DENND1A: variants seen among roughly 807,000 people sequenced by gnomAD.
The protein encoded by DENND1A is DENN domain-containing protein 1A.
A neutral mutation model predicts 113.7 loss-of-function variants in DENND1A; 51 were observed. That is an observed-to-expected ratio of 0.45 (90% CI 0.36 to 0.57). DENND1A has a LOEUF of 0.57. Among genes scored for constraint, DENND1A ranks in the 20% least tolerant of loss-of-function variants. The pLI, the probability that DENND1A is intolerant of heterozygous loss-of-function variation, is 0.00. For missense variants in DENND1A, 1,258 were observed against 1,395.9 expected (o/e 0.90, Z 1.57); for synonymous variants, 565 against 570.8 (o/e 0.99, Z 0.14).
chr9:123,454,311 A>G (rs1211330193), intron 16 of DENND1A, among the ~76,000 whole-genome samples: 1 of 152,206 alleles, frequency 6.6e-6, no homozygotes, highest in East Asian at 1.9e-4. Context: ...CTGACACATC[A>G]AGACACCTCA....
chr9:123,826,612 A>G (rs1224387565), intron 2 of DENND1A, among the ~76,000 whole-genome samples: 1 of 152,020 alleles, frequency 6.6e-6, no homozygotes, highest in Non-Finnish European at 1.5e-5. Flanking sequence ...TGAGGTTCTC[A>G]GTATTAGCTC....
intron 8 of DENND1A, among the ~76,000 whole-genome samples, chr9:123,654,653 C>T (rs142017773): frequency 7.2e-5 from 11 of 152,338 alleles, no homozygotes; most frequent in East Asian, 3.9e-4. Context: ...GTTAAAAATA[C>T]GTAACATTTA....
chr9:123,852,703 G>T (rs1265076080), intron 2 of DENND1A, among the ~76,000 whole-genome samples: 2 of 152,000 alleles, frequency 1.3e-5, no homozygotes, highest in East Asian at 3.9e-4. Context: ...AAATAAGAAT[G>T]TTCACCTTAT....
intron 11 of DENND1A, among the ~76,000 whole-genome samples, chr9:123,603,241 A>G (rs2060008518): frequency 1.3e-5 from 2 of 152,240 alleles, no homozygotes; most frequent in Admixed American, 1.3e-4. Context: ...AATAGTGCCA[A>G]CTCAATTGAC....
chr9:123,458,845 C>T (rs1418990111), intron 13 of DENND1A, among the ~76,000 whole-genome samples: 2 of 152,136 alleles, frequency 1.3e-5, no homozygotes, highest in Non-Finnish European at 2.9e-5. Flanking sequence ...TCTGTAATCC[C>T]AGTTACTTAG....
chr9:123,700,658 T>C (rs1244368621), intron 5 of DENND1A, among the ~76,000 whole-genome samples: 1 of 152,238 alleles, frequency 6.6e-6, no homozygotes, highest in Non-Finnish European at 1.5e-5. Flanking sequence ...ACCAACATTA[T>C]GGAGGGTGAT....
chr9:123,541,765 G>A (rs919545382), intron 13 of DENND1A, among the ~76,000 whole-genome samples: 6 of 152,224 alleles, frequency 3.9e-5, no homozygotes, highest in Admixed American at 3.9e-4. Context: ...CAGGAAAGAT[G>A]CACAGAGGAC....
chr9:123,888,074 T>C (rs571851079), intron 1 of DENND1A, among the ~76,000 whole-genome samples: 1 of 152,308 alleles, frequency 6.6e-6, no homozygotes, highest in South Asian at 2.1e-4. Context: ...TCCCAGGCCT[T>C]GGCTTCTAAA....
intron 11 of DENND1A, among the ~76,000 whole-genome samples, chr9:123,607,126 G>A (rs963464363): frequency 6.6e-6 from 1 of 152,136 alleles, no homozygotes; most frequent in Non-Finnish European, 1.5e-5. Flanking sequence ...CAAGTGACCA[G>A]CTGGAGGGCA....
chr9:123,856,531 G>A (rs1243668905), intron 2 of DENND1A, among the ~76,000 whole-genome samples: 2 of 152,162 alleles, frequency 1.3e-5, no homozygotes, highest in Non-Finnish European at 2.9e-5. Flanking sequence ...CTGGTGTGAG[G>A]TGTCAGAGCA....
At chr9:123,592,777 C>G (rs1387715444) in intron 11 of DENND1A, among the ~76,000 whole-genome samples, 1 of 152,158 alleles carries the variant, frequency 6.6e-6, no homozygotes, top group East Asian at 1.9e-4. Context: ...GCAGCTGGCA[C>G]TCCAGGTGCA....
At chr9:123,844,555 GA>G (rs1298929440) in intron 2 of DENND1A, among the ~76,000 whole-genome samples, 2 of 151,874 alleles carry the variant, frequency 1.3e-5, no homozygotes, top group African/African-American at 2.4e-5. Flanking sequence ...ACATTATGGG[GA>G]AAAAAACCCT....
intron 9 of DENND1A, among the ~76,000 whole-genome samples, chr9:123,634,636 T>C (rs1421045324): frequency 1.3e-5 from 2 of 152,234 alleles, no homozygotes; most frequent in Admixed American, 6.5e-5. Context: ...TGTAAATATA[T>C]AATTGAAGTG....
At chr9:123,877,754 G>A (rs527830115) in intron 2 of DENND1A, among the ~76,000 whole-genome samples, 60 of 151,590 alleles carry the variant, frequency 4.0e-4, no homozygotes, top group African/African-American at 1.4e-3. Context: ...CCCAGGAGGC[G>A]GAAGCTGCAG....
Position 123,929,879 on chromosome 9 carries a change from C to T in DENND1A, c.17+10G>A. On this transcript the variant is annotated intron_variant, in intron 1 of 23. Coordinates refer to ENST00000394215, the MANE Select transcript of DENND1A (RefSeq NM_001352964.2). The stretch of plus-strand genomic sequence containing the variant: ...CCCGGCCCGGCTCCGCCCGGCCCGG[C>T]CGCACTCACTTGATCCTGGAGCCCA... 3.2e-6 allele frequency: 1 copy of T among 313,950 alleles called. No homozygotes were observed. The highest frequency in any genetic ancestry group is 5.9e-6 in the Non-Finnish European group (1 of 168,868). 19.4% of individuals were successfully genotyped at this position (313,950 alleles called of 1,614,324 possible). A position where few individuals can be genotyped will look rare whatever the true frequency, so the allele number is the denominator to read the frequency against.
chr9:123,615,971 C>T (rs1406350795), intron 10 of DENND1A, among the ~76,000 whole-genome samples: 1 of 152,168 alleles, frequency 6.6e-6, no homozygotes, highest in Non-Finnish European at 1.5e-5. Flanking sequence ...GCTCTGTTGC[C>T]CAGGCTAGAG....
intron 11 of DENND1A, among the ~76,000 whole-genome samples, chr9:123,584,423 G>A (rs7852921): frequency 0.059 from 9,010 of 152,196 alleles, 372 homozygotes; most frequent in African/African-American, 0.11. Flanking sequence ...GCCAACTCAC[G>A]TGCCTGCCGA....
intron 12 of DENND1A, among the ~76,000 whole-genome samples, chr9:123,573,358 T>C (rs2058460837): frequency 6.6e-6 from 1 of 152,162 alleles, no homozygotes; most frequent in South Asian, 2.1e-4. Flanking sequence ...ATATTGAATC[T>C]ATAGATCAAT....
At chr9:123,886,265 T>A (rs1480276777) in intron 1 of DENND1A, among the ~76,000 whole-genome samples, 1 of 151,958 alleles carries the variant, frequency 6.6e-6, no homozygotes, top group African/African-American at 2.4e-5. Flanking sequence ...TTTTCCTCAA[T>A]TAGAATATAT....
Sources: allele counts gnomAD v4.1 joint callset (sites outside exome capture counted in the v4.1 genomes callset), GRCh38; gene constraint gnomAD v4.1.1; transcripts MANE v1.5; gene names NCBI Gene and HGNC (gene_info 2026-07-23, HGNC 2026-07-21).